ARHGEF10L: variants seen among roughly 807,000 people sequenced by gnomAD.
ARHGEF10L encodes the protein Rho guanine nucleotide exchange factor 10 like.
A neutral mutation model predicts 141.2 loss-of-function variants in ARHGEF10L; 69 were observed. The ratio of observed to expected loss-of-function variants is 0.49; its 90% CI spans 0.40 to 0.60. The LOEUF is 0.60. Among genes scored for constraint, ARHGEF10L ranks in the 20% least tolerant of loss-of-function variants. The probability of loss-of-function intolerance (pLI) is 0.00; values close to 1 mark genes in which losing one functional copy is unlikely to be tolerated. For synonymous variants in ARHGEF10L, 711 were observed against 718.5 expected (o/e 0.99, Z 0.17); for missense variants, 1,482 against 1,734.3 (o/e 0.85, Z 2.58).
Position 17,619,651 on chromosome 1 carries a change from G to A in ARHGEF10L, c.942+206G>A, listed in dbSNP as rs1040851749. On this transcript the variant is annotated intron_variant, in intron 10 of 28. Transcript: ENST00000361221. The surrounding 1 kb of genome is among the most constrained non-coding windows in gnomAD (Gnocchi z 5.0). ...TTCCACTTTCTACCCCGTGTGCTCT[G>A]TGCTGTTGGTTTTGGGGGGTGGGCT... is the stretch of plus-strand genomic sequence containing the variant. Among the ~76,000 whole-genome samples the A allele has an allele frequency of 6.6e-6, 1 of 152,182 alleles. No homozygotes were observed. The highest frequency in any genetic ancestry group is 1.5e-5 in the Non-Finnish European group (1 of 68,022).
the ARHGEF10L span, among the ~76,000 whole-genome samples, chr1:17,523,084 ATTTTTT>A: frequency 8.7e-6 from 1 of 115,472 alleles, no homozygotes; most frequent in Non-Finnish European, 1.7e-5. Context: ...TTTGTTTTCC[ATTTTTT>A]TTTTTTTTTT....
intron 1 of ARHGEF10L, among the ~76,000 whole-genome samples, chr1:17,541,794 C>T (rs1179813502): frequency 6.6e-6 from 1 of 151,922 alleles, no homozygotes; most frequent in Non-Finnish European, 1.5e-5. Flanking sequence ...ATGGTGAAAC[C>T]CCATCTCTAC....
chr1:17,595,901 A>G lies in ARHGEF10L; in HGVS notation c.258-6226A>G, dbSNP rs569541984. On this transcript the variant is annotated intron_variant, in intron 4 of 28. Transcript: ENST00000361221. ...GGCACGGAGAAATGCTAAGTGCTTTATCTGCATCATCTCACTGAATCCTCA... is the reference window on the plus strand; with the variant it reads ...GGCACGGAGAAATGCTAAGTGCTTTGTCTGCATCATCTCACTGAATCCTCA... Among the ~76,000 whole-genome samples the G allele has an allele frequency of 2.6e-5, 4 of 152,318 alleles. No homozygotes were observed. In the South Asian group the frequency reaches 6.2e-4, roughly 24 times the overall value.
At chr1:17,630,539 G>A (rs1163767090) in intron 15 of ARHGEF10L, among the ~76,000 whole-genome samples, 1 of 152,240 alleles carries the variant, frequency 6.6e-6, no homozygotes, top group African/African-American at 2.4e-5. Flanking sequence ...CCTCCTGCAT[G>A]TTAGGAGCGG....
intron 21 of ARHGEF10L, among the ~76,000 whole-genome samples, chr1:17,640,936 C>G (rs1490207146): frequency 6.6e-6 from 1 of 152,166 alleles, no homozygotes; most frequent in African/African-American, 2.4e-5. Flanking sequence ...TTCACAGTAG[C>G]CTTAAGAGTT....
At chr1:17,681,436 G>A (rs1558021433) in intron 26 of ARHGEF10L, among the ~76,000 whole-genome samples, 1 of 152,206 alleles carries the variant, frequency 6.6e-6, no homozygotes, top group Non-Finnish European at 1.5e-5. Flanking sequence ...TGAAATCACA[G>A]GCAGCCTTTG....
rs530153728 is a variant in ARHGEF10L, at chr1:17,542,602, T to C, written c.-44+2652T>C. On this transcript the variant is annotated intron_variant, in intron 1 of 28. Coordinates refer to ENST00000361221, the MANE Select transcript of ARHGEF10L (RefSeq NM_018125.4). ...GAAGGAACAGAGTGGAAAGAATACA[T>C]GTAATCTTCTATGATTAATTTTGAA... is the stretch of plus-strand genomic sequence containing the variant. Among the ~76,000 whole-genome samples, 7 of 152,332 alleles carry C rather than the reference T, an allele frequency of 4.6e-5. No individual in the cohort carries two copies. In the South Asian group the frequency reaches 1.2e-3, roughly 27 times the overall value.
At chr1:17,519,575 G>A in the ARHGEF10L span, among the ~76,000 whole-genome samples, 2 of 151,790 alleles carry the variant, frequency 1.3e-5, no homozygotes, top group African/African-American at 2.4e-5. Flanking sequence ...TGATCATCCC[G>A]CCACTGTGTG....
At chr1:17,636,746 C>T (rs541999273) in intron 18 of ARHGEF10L, among the ~76,000 whole-genome samples, 30 of 152,086 alleles carry the variant, frequency 2.0e-4, no homozygotes, top group Non-Finnish European at 3.5e-4. Context: ...CAGAGTGTGG[C>T]TTTAAACTCA....
At position 17,557,307 on chromosome 1, in the gene ARHGEF10L, C is replaced by T. The variant is rs1240924184; in HGVS notation, c.-44+17357C>T. Among the ~76,000 whole-genome samples, 3 of 150,504 alleles carry T rather than the reference C, an allele frequency of 2.0e-5. No individual in the cohort carries two copies. In the South Asian group the frequency reaches 6.3e-4, roughly 32 times the overall value. ...GCAGTGAGGCAAGATTGTGCCATTG[C>T]ACTCCAGCCTGGGTGACACAGCCAG... is the stretch of plus-strand genomic sequence containing the variant. On this transcript the variant is annotated intron_variant, in intron 1 of 28. Coordinates refer to ENST00000361221, the MANE Select transcript of ARHGEF10L (RefSeq NM_018125.4).
intron 28 of ARHGEF10L, among the ~76,000 whole-genome samples, chr1:17,695,693 G>C (rs1048420130): frequency 6.6e-6 from 1 of 152,222 alleles, no homozygotes; most frequent in African/African-American, 2.4e-5. Flanking sequence ...ATAGATCAGA[G>C]GAAGGTCTGC....
chr1:17,687,744 C>A lies in ARHGEF10L; in HGVS notation c.3181C>A (p.Pro1061Thr). Residue 1061 changes from proline (P) to threonine (T), a missense_variant, in exon 27 of 29, where the codon CCA (proline) becomes ACA (threonine). Physicochemically the swap from Pro to Thr is conservative, Grantham distance 38. Around this residue, in one of 3 missense-constraint regions of ARHGEF10L, gnomAD observed 858 missense variants for 966.3 expected, o/e 0.89. Coordinates refer to ENST00000361221, the MANE Select transcript of ARHGEF10L (RefSeq NM_018125.4). Reference sequence around the variant, plus strand: ...CGCCACCAGGACCACCTTCCTCCTGCCAGGTGAGGCTGCCTCGGGCACGGG... The same window carrying A: ...CGCCACCAGGACCACCTTCCTCCTGACAGGTGAGGCTGCCTCGGGCACGGG... ...NIATRTTFLL[P>T]GQKHLCVTSL... 1 of 1,575,510 alleles carries A rather than the reference C, an allele frequency of 6.3e-7. No homozygotes were observed. Among genetic ancestry groups the A allele is most frequent in the South Asian group, 1.2e-5 (1 of 85,034 alleles).
chr1:17,567,478 T>G (rs893602861), intron 1 of ARHGEF10L, among the ~76,000 whole-genome samples: 7 of 152,220 alleles, frequency 4.6e-5, no homozygotes, highest in African/African-American at 1.7e-4. Context: ...GCGATGCTCC[T>G]GCTTCAGCCT....
chr1:17,569,713 A>G (rs1013576697), intron 1 of ARHGEF10L, among the ~76,000 whole-genome samples: 4 of 152,122 alleles, frequency 2.6e-5, no homozygotes, highest in African/African-American at 9.7e-5. Flanking sequence ...GGGAAACTGA[A>G]TAGACGCCAG....
At chr1:17,599,244 G>T (rs2080401569) in intron 4 of ARHGEF10L, among the ~76,000 whole-genome samples, 1 of 151,692 alleles carries the variant, frequency 6.6e-6, no homozygotes, top group Non-Finnish European at 1.5e-5. Context: ...GCTAAGATGG[G>T]AGAATTGCTT....
chr1:17,522,757 G>T, the ARHGEF10L span, among the ~76,000 whole-genome samples: 2,741 of 152,046 alleles, frequency 0.018, 77 homozygotes, highest in African/African-American at 0.063. Context: ...GGGACTTTCA[G>T]GGGGGTGACT....
rs1010158239 is a variant in ARHGEF10L at position 17,656,403 on chromosome 1, G to A, written c.2706-151G>A. Reference sequence around the variant, plus strand: ...GAAAACCATGGAAAAGTGAGCTCCCGCATGGTGGAGCTATGGCCTGGCCAC... The same window carrying A: ...GAAAACCATGGAAAAGTGAGCTCCCACATGGTGGAGCTATGGCCTGGCCAC... On this transcript the variant is annotated intron_variant, in intron 24 of 28. Coordinates refer to ENST00000361221, the MANE Select transcript of ARHGEF10L (RefSeq NM_018125.4). The surrounding 1 kb of genome is among the most constrained non-coding windows in gnomAD (Gnocchi z 4.9). 6 of 969,852 alleles carry A rather than the reference G, an allele frequency of 6.2e-6. No homozygotes were observed. Among genetic ancestry groups the A allele is most frequent in the African/African-American group, 3.3e-5 (2 of 61,090 alleles). The allele number at this position is 969,852 out of a possible 1,614,324, so 60.1% of individuals were successfully genotyped here.
At chr1:17,559,281 T>C (rs2077458038) in intron 1 of ARHGEF10L, among the ~76,000 whole-genome samples, 2 of 152,196 alleles carry the variant, frequency 1.3e-5, no homozygotes, top group African/African-American at 4.8e-5. Context: ...GCAATCCTGG[T>C]ACATGGTAAG....
intron 1 of ARHGEF10L, among the ~76,000 whole-genome samples, chr1:17,554,070 G>C (rs917672804): frequency 2.0e-5 from 3 of 152,204 alleles, no homozygotes; most frequent in African/African-American, 7.2e-5. Flanking sequence ...GCTTCCTTGT[G>C]GGGGTGGGTA....
Sources: gnomAD v4.1 joint callset for allele counts (sites outside exome capture counted in the v4.1 genomes callset) on GRCh38, gnomAD v4.1.1 for gene constraint, gnomAD v4.1.1 regional missense constraint, Gnocchi (gnomAD v3.1) non-coding constraint, MANE v1.5 for transcripts, NCBI Gene and HGNC (gene_info 2026-07-23, HGNC 2026-07-21) for gene names.